Variants in CRIP1 observed in about 807,000 individuals in gnomAD.
CRIP1 encodes the protein cysteine rich protein 1.
A neutral mutation model predicts 12.9 loss-of-function variants in CRIP1; 11 were observed. The ratio of observed to expected loss-of-function variants is 0.86; its 90% confidence interval spans 0.54 to 1.42. The LOEUF is 1.42. Among genes scored for constraint, CRIP1 ranks in the 40% most tolerant of loss-of-function variants. CRIP1 has a pLI of 0.00. For synonymous variants in CRIP1, 41 were observed against 37.2 expected, an observed-to-expected ratio of 1.10 and a Z score of -0.37; for missense variants, 122 against 101.3, an observed-to-expected ratio of 1.20 and a Z score of -0.88.
chr14:105,488,521 G>A lies in CRIP1; in HGVS notation c.*5+5G>A, dbSNP rs1182543316. 6.9e-6 allele frequency: 11 copies of A among 1,584,322 alleles called. No homozygotes were observed. The highest frequency in any genetic ancestry group is 1.2e-5 in the South Asian group (1 of 86,250). Reference sequence around the variant, plus strand: ...CCACACTTTCAAGTAAACCAGGTAGGTAGGACCCCACCCCCTATCCTGCCT... The same window carrying A: ...CCACACTTTCAAGTAAACCAGGTAGATAGGACCCCACCCCCTATCCTGCCT... On this transcript the variant is annotated splice_donor_5th_base_variant and intron_variant, in intron 5 of 5. Coordinates refer to ENST00000392531, the MANE Select transcript of CRIP1 (RefSeq NM_001311.5).
chr14:105,488,607 CCCAAAGGAG>C (rs1464641256), intron 5 of CRIP1, 47 bp from the exon 6 acceptor site: 2 of 1,338,242 alleles, frequency 1.5e-6, no homozygotes, highest in African/African-American at 1.5e-5. Flanking sequence ...ACTCGTGGGC[CCCAAAGGAG>C]GCCGTGGACG....
At chr14:105,488,095 G>A in intron 2 of CRIP1, 71 bp from the exon 3 acceptor site, 1 of 1,500,586 alleles carries the variant, frequency 6.7e-7, no homozygotes, top group South Asian at 1.2e-5. Context: ...GCTGCAAGAG[G>A]CGGGTACGCC....
At chr14:105,487,914 A>G (rs1347972909) in intron 2 of CRIP1, 7 of 531,896 alleles carry the variant, frequency 1.3e-5, no homozygotes, top group Non-Finnish European at 2.0e-5. Flanking sequence ...CAGGAGCAAG[A>G]TTCCCGGCCG....
chr14:105,487,319 C>A lies in CRIP1; in HGVS notation c.40+20C>A. 1.3e-6 allele frequency: 2 copies of A among 1,534,796 alleles called. No homozygotes were observed. The highest frequency in any genetic ancestry group is 1.8e-6 in the Non-Finnish European group (2 of 1,139,126). On this transcript the variant is annotated intron_variant, in intron 2 of 5. Transcript: ENST00000392531. Reference sequence around the variant, plus strand: ...ACTTCGGTGAGCGCGCCCACACCGGCCCCGCGAGGAGGCGCCGCCGACGGG... The same window carrying A: ...ACTTCGGTGAGCGCGCCCACACCGGACCCGCGAGGAGGCGCCGCCGACGGG...
intron 2 of CRIP1, chr14:105,487,637 G>A (rs1469472828): frequency 7.4e-6 from 2 of 268,780 alleles, no homozygotes; most frequent in Admixed American, 5.4e-5. Context: ...CTGGGGCCGC[G>A]CCCCCCAGCG....
In CRIP1 at chr14:105,488,119, C is replaced by T. The variant is rs111624243; in HGVS notation, c.41-47C>T. ...GGCGGGTACGCCAGTGGTGGGTAGG[C>T]GCCGCGTCCTGCAGCGTCTCACCGG... On this transcript the variant is annotated intron_variant, in intron 2 of 5. Transcript: ENST00000392531. The T allele has an allele frequency of 6.4e-5, 100 of 1,569,856 alleles. 2 individuals are homozygous for T. The African/African-American group carries it at 8.2e-4, about 13-fold the overall frequency.
intron 3 of CRIP1, 22 bp downstream of exon 3, chr14:105,488,282 G>A: frequency 6.2e-7 from 1 of 1,613,428 alleles, no homozygotes; most frequent in Non-Finnish European, 8.5e-7. Context: ...CCACCCTGGT[G>A]GCAGGGGCCA....
chr14:105,487,865 C>A, intron 2 of CRIP1: 1 of 447,864 alleles, frequency 2.2e-6, no homozygotes, highest in Non-Finnish European at 4.1e-6. Context: ...AGCCGCGACC[C>A]CTGACCCTCG....
At chr14:105,487,091 C>T (rs2084127641) in intron 1 of CRIP1, 108 bp from the exon 2 acceptor site, 1 of 1,374,874 alleles carries the variant, frequency 7.3e-7, no homozygotes, top group Non-Finnish European at 9.5e-7. Flanking sequence ...ATTCGAGGTC[C>T]CCAGGGTCCA....
chr14:105,487,858 C>G, intron 2 of CRIP1: 1 of 423,320 alleles, frequency 2.4e-6, no homozygotes, highest in East Asian at 4.2e-5. Flanking sequence ...TGACCTAAGC[C>G]GCGACCCCTG....
intron 2 of CRIP1, 143 bp from the exon 3 acceptor site, chr14:105,488,022 CT>C (rs1555438391): frequency 2.7e-6 from 2 of 752,700 alleles, no homozygotes; most frequent in African/African-American, 3.5e-5. Flanking sequence ...GTGCTGAGAC[CT>C]TAGGGTGGGC....
chr14:105,487,375 C>G (rs587754258), intron 2 of CRIP1, 76 bp downstream of exon 2: 6 of 1,361,212 alleles, frequency 4.4e-6, no homozygotes, highest in Non-Finnish European at 6.0e-6. Flanking sequence ...TCAGGAGGAC[C>G]GGGGGCGCTG....
chr14:105,487,451 G>A (rs1555438278), intron 2 of CRIP1, 152 bp downstream of exon 2: 3 of 630,442 alleles, frequency 4.8e-6, no homozygotes, highest in South Asian at 2.2e-5. Context: ...CCCGGGATGA[G>A]GGTGGAGGCC....
At chr14:105,488,090 A>C (rs1230037060) in intron 2 of CRIP1, 76 bp from the exon 3 acceptor site, 2 of 1,481,272 alleles carry the variant, frequency 1.4e-6, no homozygotes, top group African/African-American at 2.8e-5. Context: ...AGCTGGCTGC[A>C]AGAGGCGGGT....
In CRIP1 at chr14:105,488,341, A is replaced by T; in HGVS notation, c.146A>T (p.Lys49Ile). ...TSGGHAEHEG[K>I]PYCNHPCYAA... ...CCCTTCTCTTTGCAGCACGAAGGCA[A>T]ACCCTACTGCAACCACCCCTGCTAC... Residue 49 changes from lysine (K) to isoleucine (I), a missense_variant, in exon 4 of 6, where the codon AAA becomes ATA. Transcript: ENST00000392531. 6.2e-7 allele frequency: 1 copy of T among 1,613,518 alleles called. No homozygotes were observed. The highest frequency in any genetic ancestry group is 1.1e-5 in the South Asian group (1 of 91,092).
At chr14:105,487,659 C>G (rs1337182769) in intron 2 of CRIP1, 3 of 234,560 alleles carry the variant, frequency 1.3e-5, no homozygotes, top group African/African-American at 6.8e-5. Context: ...TAAGTGGAAA[C>G]AGACGCGGAA....
At position 105,487,202 on chromosome 14, in the gene CRIP1, C is replaced by T. The variant is rs587596342; in HGVS notation, c.-58C>T. 571 of 1,536,148 alleles carry T rather than the reference C, an allele frequency of 3.7e-4. 3 individuals carry two copies. The South Asian group carries it at 5.7e-3, about 15-fold the overall frequency. ...GGACCAGGCCGGATCCACCCAGTCT[C>T]GCGCCTGCAGCCCGTGCCGCCCCAG... is the stretch of plus-strand genomic sequence containing the variant. On this transcript the variant is annotated 5_prime_UTR_variant, in exon 2 of 6. Coordinates refer to ENST00000392531, the MANE Select transcript of CRIP1 (RefSeq NM_001311.5).
chr14:105,487,414 A>C (rs2141772384), intron 2 of CRIP1, 115 bp downstream of exon 2: 6 of 892,314 alleles, frequency 6.7e-6, no homozygotes, highest in Non-Finnish European at 8.3e-6. Context: ...CCAGCCTGAA[A>C]ACGCCTCAGC....
At chr14:105,488,608 C>T in intron 5 of CRIP1, 55 bp from the exon 6 acceptor site, 1 of 1,308,010 alleles carries the variant, frequency 7.6e-7, no homozygotes, top group Non-Finnish European at 1.1e-6. Context: ...CTCGTGGGCC[C>T]CAAAGGAGGC....
Sources: gnomAD v4.1 joint callset for allele counts on GRCh38, gnomAD v4.1.1 for gene constraint, MANE v1.5 for transcripts, NCBI Gene and HGNC (gene_info 2026-07-23, HGNC 2026-07-21) for gene names.